The following LCP1 variants were observed in gnomAD, a reference collection of about 807,000 sequenced individuals.
The protein encoded by LCP1 is lymphocyte cytosolic protein 1, also known as plastin-2.
A neutral mutation model predicts 72.0 loss-of-function variants in LCP1; 23 were observed. That is an observed-to-expected ratio of 0.32 (90% CI 0.23 to 0.45). The LOEUF (loss-of-function observed/expected upper bound fraction) is 0.45. Among genes scored for constraint, LCP1 ranks in the 20% least tolerant of loss-of-function variants. LCP1 has a pLI of 1.00. For missense variants in LCP1, 571 were observed against 748.3 expected (o/e 0.76, Z 2.76); for synonymous variants, 245 against 275.4 (o/e 0.89, Z 1.09).
At chr13:46,127,859 C>T (rs2045608852) in intron 15 of LCP1, 136 bp from the exon 16 acceptor site, 10 of 1,006,350 alleles carry the variant, frequency 9.9e-6, no homozygotes, top group Non-Finnish European at 1.4e-5. Flanking sequence ...CAGTCACCAG[C>T]ATCCTCACAC....
chr13:46,130,858 C>T lies in LCP1; in HGVS notation c.1707G>A (p.Leu569=). Residue 569 remains leucine, a synonymous_variant, in exon 15 of 16, where the codon CTG becomes CTA. Coordinates refer to ENST00000323076, the MANE Select transcript of LCP1 (RefSeq NM_002298.5). ...IQPGSINYDL[L]KTENLNDDEK... Reference sequence around the variant, plus strand: ...CATCATCATTCAGATTTTCTGTCTTCAGAAGGTCATAGTTAATGGAACCTG... The same window carrying T: ...CATCATCATTCAGATTTTCTGTCTTTAGAAGGTCATAGTTAATGGAACCTG... The T allele has an allele frequency of 6.2e-7, 1 of 1,613,508 alleles. No homozygotes were observed. The highest frequency in any genetic ancestry group is 8.5e-7 in the Non-Finnish European group (1 of 1,179,798).
At chr13:46,138,495 G>T (rs1186347778) in intron 13 of LCP1, among the ~76,000 whole-genome samples, 2 of 152,168 alleles carry the variant, frequency 1.3e-5, no homozygotes, top group Non-Finnish European at 2.9e-5. Flanking sequence ...TAACCAGGTG[G>T]AGACAGCAAC....
chr13:46,159,415 AT>A, intron 2 of LCP1, 183 bp downstream of exon 2: 1 of 597,686 alleles, frequency 1.7e-6, no homozygotes, highest in East Asian at 2.8e-5. Context: ...CCATGTTTTG[AT>A]AGAGAAAGTC....
At chr13:46,158,175 C>A (rs945972260) in intron 4 of LCP1, among the ~76,000 whole-genome samples, 1 of 152,126 alleles carries the variant, frequency 6.6e-6, no homozygotes, top group Non-Finnish European at 1.5e-5. Context: ...TATTCCAAAT[C>A]AATGAAAACA....
intron 8 of LCP1, 139 bp downstream of exon 8, chr13:46,150,797 G>C: frequency 1.1e-6 from 1 of 910,646 alleles, no homozygotes; most frequent in Non-Finnish European, 1.7e-6. Context: ...CTCAAGGACA[G>C]TGAGCACCTC....
chr13:46,181,663 A>G (rs970594016), intron 1 of LCP1, among the ~76,000 whole-genome samples: 1 of 152,212 alleles, frequency 6.6e-6, no homozygotes, highest in South Asian at 2.1e-4. Flanking sequence ...AGTTTTTTAG[A>G]AAAACAGAAC....
chr13:46,135,123 AG>A (rs1308720105), intron 13 of LCP1, among the ~76,000 whole-genome samples: 30 of 139,620 alleles, frequency 2.1e-4, no homozygotes, highest in African/African-American at 6.0e-4. Context: ...AAAAAAAAAA[AG>A]AAAAAAAAAA....
Position 46,159,067 on chromosome 13 carries a change from G to A in LCP1, c.65-78C>T, listed in dbSNP as rs114353770. The A allele has an allele frequency of 4.8e-5, 63 of 1,326,254 alleles. No homozygotes were observed. The African/African-American group carries it at 8.2e-4, about 17-fold the overall frequency. 82.2% of individuals were successfully genotyped at this position (1,326,254 alleles called of 1,614,324 possible). ...TAGAGAGGTGAGGGAAGACTAGATG[G>A]AAGGTGAAGGGACGAGAGAGGCTAT... On this transcript the variant is annotated intron_variant, in intron 2 of 15. Coordinates refer to ENST00000323076, the MANE Select transcript of LCP1 (RefSeq NM_002298.5).
chr13:46,134,648 A>G (rs2045653299), intron 13 of LCP1, among the ~76,000 whole-genome samples: 2 of 152,256 alleles, frequency 1.3e-5, no homozygotes, highest in Admixed American at 6.5e-5. Context: ...AAGAAAAAGT[A>G]TAAAATACTT....
intron 2 of LCP1, 34 bp from the exon 3 acceptor site, chr13:46,159,023 C>A (rs201113224): frequency 1.2e-6 from 2 of 1,606,256 alleles, no homozygotes; most frequent in South Asian, 1.1e-5. Context: ...AGCTTCAGGA[C>A]GATTCAGGCA....
intron 5 of LCP1, 79 bp downstream of exon 5, chr13:46,156,359 C>T: frequency 6.4e-7 from 1 of 1,558,982 alleles, no homozygotes. Context: ...CAAAGTTGGC[C>T]TACGATAAAT....
At chr13:46,160,185 A>G (rs2045829403) in intron 1 of LCP1, among the ~76,000 whole-genome samples, 1 of 152,208 alleles carries the variant, frequency 6.6e-6, no homozygotes, top group Non-Finnish European at 1.5e-5. Flanking sequence ...TCTGACAGCC[A>G]GCATCAATGC....
chr13:46,144,157 T>G (rs2045715816), intron 11 of LCP1, among the ~76,000 whole-genome samples: 1 of 152,242 alleles, frequency 6.6e-6, no homozygotes, highest in Non-Finnish European at 1.5e-5. Context: ...ATCTGTTGTT[T>G]TGCCTGCTTG....
chr13:46,171,911 T>C (rs2045906557), intron 1 of LCP1, among the ~76,000 whole-genome samples: 2 of 152,364 alleles, frequency 1.3e-5, no homozygotes, highest in South Asian at 4.1e-4. Context: ...AATACAAGTA[T>C]TCGCAGAATG....
chr13:46,144,551 G>A, intron 10 of LCP1, 31 bp from the exon 11 acceptor site: 1 of 1,532,508 alleles, frequency 6.5e-7, no homozygotes, highest in Non-Finnish European at 9.0e-7. Context: ...TATCTTTTGG[G>A]ACCGAAGAAA....
At chr13:46,147,430 T>C (rs1187621194) in intron 9 of LCP1, among the ~76,000 whole-genome samples, 4 of 152,222 alleles carry the variant, frequency 2.6e-5, no homozygotes, top group Non-Finnish European at 5.9e-5. Flanking sequence ...TTTCCAACCA[T>C]TAAGATTCCT....
chr13:46,138,935 C>T (rs556354106), intron 13 of LCP1, among the ~76,000 whole-genome samples: 19 of 152,198 alleles, frequency 1.2e-4, no homozygotes, highest in African/African-American at 3.9e-4. Context: ...TATGAGCCAC[C>T]GCACCCGCTG....
At chr13:46,159,564 A>G in intron 2 of LCP1, 35 bp downstream of exon 2, 2 of 1,559,398 alleles carry the variant, frequency 1.3e-6, no homozygotes, top group Non-Finnish European at 1.8e-6. Context: ...AGTGAAGAAG[A>G]GAATGATGCA....
chr13:46,174,624 G>A (rs2045919459), intron 1 of LCP1, among the ~76,000 whole-genome samples: 2 of 151,962 alleles, frequency 1.3e-5, no homozygotes, highest in Admixed American at 6.6e-5. Flanking sequence ...TAGGGGGATC[G>A]CCTGAGGTCA....
Sources: gnomAD v4.1 joint callset for allele counts (sites outside exome capture counted in the v4.1 genomes callset) on GRCh38, gnomAD v4.1.1 for gene constraint, MANE v1.5 for transcripts, NCBI Gene and HGNC (gene_info 2026-07-23, HGNC 2026-07-21) for gene names.